FCHSD2: variants seen among roughly 807,000 people sequenced by gnomAD.
FCHSD2 encodes the protein FCH and double SH3 domains 2, also known as F-BAR and double SH3 domains protein 2.
A neutral mutation model predicts 108.1 loss-of-function variants in FCHSD2; 38 were observed. That is an observed-to-expected ratio of 0.35 (90% CI 0.27 to 0.46). FCHSD2 has a LOEUF of 0.46. Ranked by LOEUF, FCHSD2 falls within the 20% of genes least tolerant of loss-of-function variation. FCHSD2 has a pLI of 1.00. For synonymous variants in FCHSD2, 279 were observed against 314.7 expected, an observed-to-expected ratio of 0.89 and a Z score of 1.20; for missense variants, 751 against 897.8, an observed-to-expected ratio of 0.84 and a Z score of 2.09.
chr11:72,998,893 C>T (rs1857570446), intron 5 of FCHSD2, among the ~76,000 whole-genome samples: 2 of 152,120 alleles, frequency 1.3e-5, no homozygotes, highest in Admixed American at 6.5e-5. Flanking sequence ...GATGCAGCTG[C>T]TATGCAAAAC....
intron 2 of FCHSD2, among the ~76,000 whole-genome samples, chr11:73,138,108 G>C (rs1419895530): frequency 6.6e-6 from 1 of 152,172 alleles, no homozygotes; most frequent in Non-Finnish European, 1.5e-5. Flanking sequence ...CTAAGCAACA[G>C]CAACAGGAGC....
rs1299861945 is a variant in FCHSD2, at chr11:72,838,818, A to C, written c.2196T>G (p.Ile732Met). The C allele has an allele frequency of 6.2e-6, 10 of 1,606,878 alleles. No homozygotes were observed. The Admixed American group carries it at 6.8e-5, about 11-fold the overall frequency. The change falls in exon 20 of 20, where the codon ATT becomes ATG. Residue 732 changes from isoleucine (I) to methionine (M), a missense_variant. Transcript: ENST00000409418. ...ACACCAGTGTGATTTCCACATCTTC[A>C]ATCTTCTCTGCTGGCCTTCGGTGAT... ...TQNHRRPAEK[I>M]EDVEITLV
At chr11:72,887,367 C>T in intron 12 of FCHSD2, 103 bp downstream of exon 12, 1 of 725,844 alleles carries the variant, frequency 1.4e-6, no homozygotes, top group South Asian at 1.7e-5. Flanking sequence ...GGTGAATCAC[C>T]TTCATCTCAG....
At chr11:73,122,838 G>T (rs1860765729) in intron 2 of FCHSD2, among the ~76,000 whole-genome samples, 2 of 152,108 alleles carry the variant, frequency 1.3e-5, no homozygotes, top group Non-Finnish European at 2.9e-5. Context: ...TTTATAGTGT[G>T]GCTGTTCTAC....
At chr11:72,901,875 T>C (rs758261162) in intron 10 of FCHSD2, among the ~76,000 whole-genome samples, 42 of 151,890 alleles carry the variant, frequency 2.8e-4, no homozygotes, top group Admixed American at 2.0e-3. Flanking sequence ...GTTTTTTTTT[T>C]GTTTGTTTGT....
At chr11:73,057,362 T>C (rs1335543347) in intron 3 of FCHSD2, among the ~76,000 whole-genome samples, 2 of 152,138 alleles carry the variant, frequency 1.3e-5, no homozygotes, top group Admixed American at 6.6e-5. Context: ...AACAGCCAGG[T>C]AATCTCCTTC....
rs1442169200 is a variant in FCHSD2, at chr11:73,142,139, A to AGGAGGC, written c.-268_-263dup. On this transcript the variant is annotated 5_prime_UTR_variant, in exon 1 of 20. Transcript: ENST00000409418. The stretch of plus-strand genomic sequence containing the variant: ...CGGGCGGCCCGGGGGTGTGTGAGGA[A>AGGAGGC]GGAGGCGGAGACGGCGAGGGGGCGG... 5.3e-5 allele frequency: 16 copies of AGGAGGC among 300,714 alleles called. No homozygotes were observed. Among genetic ancestry groups the AGGAGGC allele is most frequent in the African/African-American group, 1.8e-4 (8 of 44,534 alleles). The allele number at this position is 300,714 out of a possible 1,614,324, so 18.6% of individuals were successfully genotyped here.
intron 4 of FCHSD2, among the ~76,000 whole-genome samples, chr11:73,015,171 A>T (rs375488152): frequency 6.6e-6 from 1 of 152,232 alleles, no homozygotes; most frequent in Non-Finnish European, 1.5e-5. Context: ...AAACAAACAT[A>T]TACTTTTAAG....
intron 8 of FCHSD2, among the ~76,000 whole-genome samples, chr11:72,932,066 T>C (rs943625256): frequency 2.6e-5 from 4 of 152,246 alleles, no homozygotes; most frequent in Non-Finnish European, 4.4e-5. Flanking sequence ...CAGTGTGTGA[T>C]GCCACTATTC....
chr11:72,989,457 C>T (rs1857370391), intron 5 of FCHSD2, among the ~76,000 whole-genome samples: 1 of 152,126 alleles, frequency 6.6e-6, no homozygotes, highest in South Asian at 2.1e-4. Flanking sequence ...TTCTGTATTT[C>T]CCCATAATCT....
intron 10 of FCHSD2, among the ~76,000 whole-genome samples, chr11:72,899,735 TAAAAAAAA>T (rs10674308): frequency 4.9e-4 from 36 of 72,738 alleles, no homozygotes; most frequent in Non-Finnish European, 7.1e-4. Flanking sequence ...GACCCTATCT[TAAAAAAAA>T]AAAAAAAAAA....
Position 72,921,928 on chromosome 11 carries a change from T to A in FCHSD2, c.728A>T (p.Asp243Val). The change falls in exon 9 of 20, where the codon GAT becomes GTT. Residue 243 changes from aspartate (D) to valine (V), a missense_variant. By Grantham distance (152) the Asp-to-Val change is radical. Coordinates refer to ENST00000409418, the MANE Select transcript of FCHSD2 (RefSeq NM_014824.3). ...IMKALDGNVY[D>V]HLKDYLIAFS... ...GGCTATTAAATAATCCTTGAGATGA[T>A]CATACACATTTCCATCAAGAGCCTG... 1.3e-6 allele frequency: 2 copies of A among 1,594,648 alleles called. No homozygotes were observed. The highest frequency in any genetic ancestry group is 1.1e-5 in the South Asian group (1 of 88,512).
intron 3 of FCHSD2, among the ~76,000 whole-genome samples, chr11:73,065,477 A>G (rs1394975218): frequency 3.9e-5 from 6 of 152,198 alleles, no homozygotes. Context: ...CATCCCTCCT[A>G]TTCAACATAG....
At chr11:73,056,419 C>A (rs764415147) in intron 3 of FCHSD2, among the ~76,000 whole-genome samples, 2 of 152,110 alleles carry the variant, frequency 1.3e-5, no homozygotes, top group African/African-American at 4.8e-5. Flanking sequence ...AAAATGTAAT[C>A]TTTTTAAAAA....
At position 72,902,635 on chromosome 11, in the gene FCHSD2, C is replaced by A; in HGVS notation, c.832G>T (p.Val278Phe). 1 of 1,561,884 alleles carries A rather than the reference C, an allele frequency of 6.4e-7. No individual in the cohort carries two copies. Among genetic ancestry groups the A allele is most frequent in the Non-Finnish European group, 8.7e-7 (1 of 1,150,684 alleles). Residue 278 changes from valine (V) to phenylalanine (F), a missense_variant, in exon 10 of 20, where the codon GTC (valine) becomes TTC (phenylalanine). Physicochemically the swap from Val to Phe is conservative, Grantham distance 50. Transcript: ENST00000409418. ...QFLLENSSKV[V>F]RDYNLQLFLQ... Reference sequence around the variant, plus strand: ...AACAGCTGAAGATTGTAGTCCCGGACCACCTAAAGAGAAAATAAAATATCT... The same window carrying A: ...AACAGCTGAAGATTGTAGTCCCGGAACACCTAAAGAGAAAATAAAATATCT...
At chr11:73,009,207 T>C (rs976437312) in intron 4 of FCHSD2, among the ~76,000 whole-genome samples, 1 of 152,256 alleles carries the variant, frequency 6.6e-6, no homozygotes, top group South Asian at 2.1e-4. Context: ...TTTAAAATCA[T>C]ACTACAGGCT....
intron 2 of FCHSD2, among the ~76,000 whole-genome samples, chr11:73,132,691 G>A (rs1485616679): frequency 6.6e-6 from 1 of 152,012 alleles, no homozygotes. Flanking sequence ...GGGCATGGTG[G>A]TGTGCAACTG....
intron 8 of FCHSD2, chr11:72,940,605 C>A: frequency 6.9e-7 from 1 of 1,442,014 alleles, no homozygotes; most frequent in Non-Finnish European, 9.7e-7. Context: ...TCTCTGCTCT[C>A]CACAGGGCTC....
chr11:72,843,663 A>G (rs1861036142), intron 14 of FCHSD2, 131 bp from the exon 15 acceptor site: 1 of 653,904 alleles, frequency 1.5e-6, no homozygotes, highest in Non-Finnish European at 2.7e-6. Context: ...TAAAAATTTA[A>G]ATGCTGTAAA....
Sources: allele counts gnomAD v4.1 joint callset (sites outside exome capture counted in the v4.1 genomes callset), GRCh38; gene constraint gnomAD v4.1.1; transcripts MANE v1.5; gene names NCBI Gene and HGNC (gene_info 2026-07-23, HGNC 2026-07-21).